The following PDX1 variants were observed in gnomAD, a reference collection of about 807,000 sequenced individuals.
The protein encoded by PDX1 is pancreatic and duodenal homeobox 1, also known as pancreas/duodenum homeobox protein 1.
Under a neutral mutation model 11.1 loss-of-function variants are expected in PDX1, and 7 were observed. That is an observed-to-expected ratio of 0.63 (90% confidence interval 0.36 to 1.19). The LOEUF (loss-of-function observed/expected upper bound fraction) is 1.19, where lower values mean the gene tolerates loss of function less well. Among genes scored for constraint, PDX1 ranks in the 50% most tolerant of loss-of-function variants. The pLI, the probability that PDX1 is intolerant of heterozygous loss-of-function variation, is 0.02. For synonymous variants in PDX1, 232 were observed against 196.2 expected, an observed-to-expected ratio of 1.18 and a Z score of -1.53; for missense variants, 449 against 412.1, an observed-to-expected ratio of 1.09 and a Z score of -0.78.
rs1346657729 is a variant in PDX1, at chr13:27,924,890, A to G, written c.*189A>G. The G allele has an allele frequency of 2.2e-6, 1 of 463,212 alleles. No homozygotes were observed. The highest frequency in any genetic ancestry group is 4.4e-5 in the Admixed American group (1 of 22,744). The allele number at this position is 463,212 out of a possible 1,614,324, so 28.7% of individuals were successfully genotyped here. Reference sequence around the variant, plus strand: ...ATGTGCCAGTTGGGGCCCCGCGGGTAGATGCCGGCAGGCCTTCCGGAAGAA... The same window carrying G: ...ATGTGCCAGTTGGGGCCCCGCGGGTGGATGCCGGCAGGCCTTCCGGAAGAA... On this transcript the variant is annotated 3_prime_UTR_variant, in exon 2 of 2. Coordinates refer to ENST00000381033, the MANE Select transcript of PDX1 (RefSeq NM_000209.4). The surrounding 1 kb of genome is among the most constrained non-coding windows in gnomAD (Gnocchi z 4.8).
intron 1 of PDX1, among the ~76,000 whole-genome samples, chr13:27,923,616 T>A (rs1957802801): frequency 6.6e-6 from 1 of 152,222 alleles, no homozygotes; most frequent in South Asian, 2.1e-4. Context: ...GCACAAAGAT[T>A]TTCAAACTGC....
Position 27,924,207 on chromosome 13 carries a change from G to C in PDX1, c.407-49G>C, listed in dbSNP as rs762537557. 2 of 1,479,938 alleles carry C rather than the reference G, an allele frequency of 1.4e-6. No individual in the cohort carries two copies. Among genetic ancestry groups the C allele is most frequent in the Non-Finnish European group, 1.8e-6 (2 of 1,105,560 alleles). The allele number at this position is 1,479,938 out of a possible 1,614,324, so 91.7% of individuals were successfully genotyped here. Reference sequence around the variant, plus strand: ...GAAGGGGTTGGGCTGCGTGGGTGGGGGCTGTGCGGGGCTCCGGGGGCCACA... The same window carrying C: ...GAAGGGGTTGGGCTGCGTGGGTGGGCGCTGTGCGGGGCTCCGGGGGCCACA... On this transcript the variant is annotated intron_variant, in intron 1 of 1. Transcript: ENST00000381033. This position sits in a 1 kb window ranked among gnomAD's most constrained non-coding sequence, Gnocchi z 4.8.
Position 27,920,285 on chromosome 13 carries a change from G to A in PDX1, c.147G>A (p.Pro49=). Residue 49 remains proline (P), a synonymous_variant, in exon 1 of 2, where the codon CCG becomes CCA. Coordinates refer to ENST00000381033, the MANE Select transcript of PDX1 (RefSeq NM_000209.4). ...AGCCCCCGCCGCCGCCGCCGCACCC[G>A]TTCCCTGGCGCCCTGGGCGCGCTGG... The part of the protein sequence containing the change: ...GRQPPPPPPH[P]FPGALGALEQ... The A allele has an allele frequency of 6.5e-7, 1 of 1,539,824 alleles. No homozygotes were observed. The highest frequency in any genetic ancestry group is 8.8e-7 in the Non-Finnish European group (1 of 1,142,668).
rs1449663426 is a variant in PDX1, at chr13:27,920,660, A to G, written c.406+116A>G. On this transcript the variant is annotated intron_variant, in intron 1 of 1. Coordinates refer to ENST00000381033, the MANE Select transcript of PDX1 (RefSeq NM_000209.4). ...GGCGCCTTGGATTATCCCGGGTCGG[A>G]CTAAACTACATCAGGGAGCTACCGA... 5 of 1,064,702 alleles carry G rather than the reference A, an allele frequency of 4.7e-6. No homozygotes were observed. In the East Asian group the frequency reaches 1.2e-4, roughly 26 times the overall value. 66.0% of individuals were successfully genotyped at this position (1,064,702 alleles called of 1,614,324 possible). A position where few individuals can be genotyped will look rare whatever the true frequency, so the allele number is the denominator to read the frequency against.
Position 27,924,518 on chromosome 13 carries a change from T to C in PDX1, c.669T>C (p.Pro223=), listed in dbSNP as rs771764758. Residue 223 remains proline, a synonymous_variant, in exon 2 of 2, where the codon CCT becomes CCC. Transcript: ENST00000381033. This position sits in a 1 kb window ranked among gnomAD's most constrained non-coding sequence, Gnocchi z 4.8. ...TAVGGGGVAE[P]EQDCAVTSGE... The stretch of plus-strand genomic sequence containing the variant: ...TCGGGGGTGGCGGGGTCGCGGAGCC[T>C]GAGCAGGACTGCGCCGTGACCTCCG... 2.6e-5 allele frequency: 41 copies of C among 1,607,800 alleles called. No individual in the cohort carries two copies. The highest frequency in any genetic ancestry group is 3.4e-5 in the Non-Finnish European group (40 of 1,178,042).
intron 1 of PDX1, among the ~76,000 whole-genome samples, chr13:27,921,844 G>A (rs1443038287): frequency 6.6e-6 from 1 of 152,260 alleles, no homozygotes; most frequent in African/African-American, 2.4e-5. Context: ...CCAGTTGACA[G>A]GGGCGCCAGA....
In PDX1 at chr13:27,920,074, G is replaced by A. The variant is rs983184273; in HGVS notation, c.-65G>A. 41 of 1,540,274 alleles carry A rather than the reference G, an allele frequency of 2.7e-5. No homozygotes were observed. Among genetic ancestry groups the A allele is most frequent in the Non-Finnish European group, 3.4e-5 (39 of 1,139,600 alleles). ...GAACGCCACACAGTGCCAAATCCCC[G>A]GCTCCAGCTCCCGACTCCCGGCTCC... On this transcript the variant is annotated 5_prime_UTR_variant, in exon 1 of 2. Coordinates refer to ENST00000381033, the MANE Select transcript of PDX1 (RefSeq NM_000209.4).
At chr13:27,920,762 TC>T (rs1957780365) in intron 1 of PDX1, among the ~76,000 whole-genome samples, 2 of 152,072 alleles carry the variant, frequency 1.3e-5, no homozygotes, top group African/African-American at 4.8e-5. Context: ...GAGTGTACAC[TC>T]CTTCCTTCCC....
At position 27,920,670 on chromosome 13, in the gene PDX1, A is replaced by T. The variant is rs149360955; in HGVS notation, c.406+126A>T. On this transcript the variant is annotated intron_variant, in intron 1 of 1. Coordinates refer to ENST00000381033, the MANE Select transcript of PDX1 (RefSeq NM_000209.4). ...ATTATCCCGGGTCGGACTAAACTAC[A>T]TCAGGGAGCTACCGAGCCCATCCCT... 7,099 of 948,588 alleles carry T rather than the reference A, an allele frequency of 7.5e-3. 57 individuals carry two copies. The highest frequency in any genetic ancestry group is 0.019 in the Middle Eastern group (79 of 4,074). The allele number at this position is 948,588 out of a possible 1,614,324, so 58.8% of individuals were successfully genotyped here. A position where few individuals can be genotyped will look rare whatever the true frequency, so the allele number is the denominator to read the frequency against.
rs1957769171 is a variant in PDX1, at chr13:27,920,038, G to T, written c.-101G>T. The T allele has an allele frequency of 3.5e-6, 5 of 1,419,006 alleles. No individual in the cohort carries two copies. Among genetic ancestry groups the T allele is most frequent in the East Asian group, 2.5e-5 (1 of 40,126 alleles). The allele number at this position is 1,419,006 out of a possible 1,614,324, so 87.9% of individuals were successfully genotyped here. On this transcript the variant is annotated 5_prime_UTR_variant, in exon 1 of 2. Coordinates refer to ENST00000381033, the MANE Select transcript of PDX1 (RefSeq NM_000209.4). ...AGCTGTCAAAGCGAGCAGGGGTGGC[G>T]CCGGGAGTGGGAACGCCACACAGTG...
In PDX1 at chr13:27,920,409, G is replaced by C. The variant is rs772008981; in HGVS notation, c.271G>C (p.Ala91Pro). 5 of 1,557,058 alleles carry C rather than the reference G, an allele frequency of 3.2e-6. No homozygotes were observed. In the South Asian group the frequency reaches 5.9e-5, roughly 18 times the overall value. ...HLHHHLPAQL[A>P]LPHPPAGPFP... is the part of the protein sequence containing the mutation. Reference sequence around the variant, plus strand: ...TCACCACCACCTCCCGGCTCAGCTCGCGCTCCCCCACCCGCCCGCCGGGCC... The same window carrying C: ...TCACCACCACCTCCCGGCTCAGCTCCCGCTCCCCCACCCGCCCGCCGGGCC... The change falls in exon 1 of 2, where the codon GCG (alanine) becomes CCG (proline). Residue 91 changes from alanine (A) to proline (P), a missense_variant. Physicochemically the swap from Ala to Pro is conservative, Grantham distance 27. This residue lies in a region of PDX1 where 263 missense variants were observed against 212.5 expected (regional missense o/e 1.24). Transcript: ENST00000381033.
chr13:27,924,697 G>C lies in PDX1; in HGVS notation c.848G>C (p.Arg283Pro). The change falls in exon 2 of 2, where the codon CGA becomes CCA. Residue 283 changes from arginine to proline, a missense_variant. Coordinates refer to ENST00000381033, the MANE Select transcript of PDX1 (RefSeq NM_000209.4). The surrounding 1 kb of genome is among the most constrained non-coding windows in gnomAD (Gnocchi z 4.8). ...SVAPRRPQEPR is the reference protein window; with the variant it reads ...SVAPRRPQEPP The stretch of plus-strand genomic sequence containing the variant: ...GCGCCTCGGCGGCCGCAGGAACCAC[G>C]ATGAGAGGCAGGAGCTGCTCCTGGC... The C allele has an allele frequency of 6.8e-7, 1 of 1,472,036 alleles. No homozygotes were observed. 91.2% of individuals were successfully genotyped at this position (1,472,036 alleles called of 1,614,324 possible). A position where few individuals can be genotyped will look rare whatever the true frequency, so the allele number is the denominator to read the frequency against.
At chr13:27,920,696 CACAGCAGTGCTTCTCTAGT>C (rs1355769164) in intron 1 of PDX1, 152 bp downstream of exon 1, 26 of 772,722 alleles carry the variant, frequency 3.4e-5, no homozygotes, top group Non-Finnish European at 5.8e-5. Flanking sequence ...GCCCATCCCT[CACAGCAGTGCTTCTCTAGT>C]CCAGTTTGAA....
Position 27,924,133 on chromosome 13 carries a change from T to C in PDX1, c.407-123T>C. On this transcript the variant is annotated intron_variant, in intron 1 of 1. Transcript: ENST00000381033. The surrounding 1 kb of genome is among the most constrained non-coding windows in gnomAD (Gnocchi z 4.8). ...GCTGAAATGGGATGCTGGGGCTTGG[T>C]GGCTCCGGCGGGAGCAGCTGGTAGG... 2 of 796,552 alleles carry C rather than the reference T, an allele frequency of 2.5e-6. No individual in the cohort carries two copies. Among genetic ancestry groups the C allele is most frequent in the Non-Finnish European group, 1.9e-6 (1 of 527,310 alleles). 49.3% of individuals were successfully genotyped at this position (796,552 alleles called of 1,614,324 possible). A position where few individuals can be genotyped will look rare whatever the true frequency, so the allele number is the denominator to read the frequency against.
Position 27,924,173 on chromosome 13 carries a change from G to A in PDX1, c.407-83G>A. 1 of 1,235,348 alleles carries A rather than the reference G, an allele frequency of 8.1e-7. No individual in the cohort carries two copies. Among genetic ancestry groups the A allele is most frequent in the Non-Finnish European group, 1.1e-6 (1 of 912,900 alleles). 76.5% of individuals were successfully genotyped at this position (1,235,348 alleles called of 1,614,324 possible). A position where few individuals can be genotyped will look rare whatever the true frequency, so the allele number is the denominator to read the frequency against. ...CAGCTGGTAGGGCTAGGGCTCCCTGGCCCCCCTTGAAGGGGTTGGGCTGCG... is the reference window on the plus strand; with the variant it reads ...CAGCTGGTAGGGCTAGGGCTCCCTGACCCCCCTTGAAGGGGTTGGGCTGCG... On this transcript the variant is annotated intron_variant, in intron 1 of 1. Coordinates refer to ENST00000381033, the MANE Select transcript of PDX1 (RefSeq NM_000209.4). This position sits in a 1 kb window ranked among gnomAD's most constrained non-coding sequence, Gnocchi z 4.8.
intron 1 of PDX1, among the ~76,000 whole-genome samples, chr13:27,922,319 C>T (rs1957793303): frequency 6.6e-6 from 1 of 152,162 alleles, no homozygotes; most frequent in African/African-American, 2.4e-5. Context: ...CCCTCTAACC[C>T]GCTGCATGCT....
At chr13:27,922,341 G>A (rs557830792) in intron 1 of PDX1, among the ~76,000 whole-genome samples, 40 of 152,278 alleles carry the variant, frequency 2.6e-4, no homozygotes, top group African/African-American at 9.6e-4. Context: ...GACTCTCGGG[G>A]AAGGAGACGA....
intron 1 of PDX1, among the ~76,000 whole-genome samples, chr13:27,921,083 A>C (rs1124607): frequency 0.19 from 28,444 of 152,208 alleles, 3,290 homozygotes; most frequent in South Asian, 0.29. Flanking sequence ...ACTGCACCCA[A>C]CCCAGCAGTG....
intron 1 of PDX1, among the ~76,000 whole-genome samples, chr13:27,920,908 C>A (rs1299717360): frequency 6.6e-6 from 1 of 152,204 alleles, no homozygotes; most frequent in Non-Finnish European, 1.5e-5. Context: ...CCCAGGACTC[C>A]TTGGTAGTGC....
Sources: allele counts gnomAD v4.1 joint callset (sites outside exome capture counted in the v4.1 genomes callset), GRCh38; gene constraint gnomAD v4.1.1; regional missense constraint gnomAD v4.1.1; non-coding constraint Gnocchi (gnomAD v3.1); transcripts MANE v1.5; gene names NCBI Gene and HGNC (gene_info 2026-07-23, HGNC 2026-07-21).